Variants in TBC1D1 observed in about 807,000 individuals in gnomAD.
TBC1D1 encodes TBC1 (tre-2/USP6, BUB2, cdc16) domain family, member 1.
TBC1D1 carries 89 observed loss-of-function variants against 125.6 expected under a neutral mutation model. That is an observed-to-expected ratio of 0.71 (90% CI 0.60 to 0.85). The LOEUF is 0.85. TBC1D1 is among the 40% of genes least tolerant of loss of function. The probability of loss-of-function intolerance (pLI) is 0.00; values close to 1 mark genes in which losing one functional copy is unlikely to be tolerated. For synonymous variants in TBC1D1, 565 were observed against 564.1 expected (o/e 1.00, Z -0.02); for missense variants, 1,377 against 1,469.2 (o/e 0.94, Z 1.03).
At chr4:37,930,756 T>C (rs935777948) in intron 2 of TBC1D1, among the ~76,000 whole-genome samples, 1 of 152,244 alleles carries the variant, frequency 6.6e-6, no homozygotes, top group African/African-American at 2.4e-5. Flanking sequence ...ATCTGAAGAT[T>C]TTATTTTGCA....
chr4:38,100,105 G>A (rs2152553928), intron 14 of TBC1D1, among the ~76,000 whole-genome samples: 1 of 152,286 alleles, frequency 6.6e-6, no homozygotes, highest in African/African-American at 2.4e-5. Flanking sequence ...AGTATTTGTG[G>A]GGAGGGTGTG....
chr4:37,943,903 G>A (rs1477366391), intron 2 of TBC1D1, among the ~76,000 whole-genome samples: 1 of 152,204 alleles, frequency 6.6e-6, no homozygotes, highest in Admixed American at 6.5e-5. Context: ...TGGAGGGGGA[G>A]AGGCACTCTG....
chr4:38,093,527 CT>C (rs71658755), intron 13 of TBC1D1, among the ~76,000 whole-genome samples: 7,357 of 144,318 alleles, frequency 0.051, 444 homozygotes, highest in African/African-American at 0.15. Context: ...TTTCCCCCCC[CT>C]TTTTTTTTTT....
At chr4:38,073,605 T>G (rs2152514268) in intron 12 of TBC1D1, among the ~76,000 whole-genome samples, 1 of 152,356 alleles carries the variant, frequency 6.6e-6, no homozygotes, top group South Asian at 2.1e-4. Context: ...TATGGATTAT[T>G]AAATCAGACT....
At chr4:38,057,387 G>T (rs1259407584) in intron 12 of TBC1D1, among the ~76,000 whole-genome samples, 2 of 152,122 alleles carry the variant, frequency 1.3e-5, no homozygotes, top group African/African-American at 4.8e-5. Flanking sequence ...TGTAACACAT[G>T]TTCACAGGTT....
At chr4:37,981,603 A>G (rs1232183492) in intron 2 of TBC1D1, among the ~76,000 whole-genome samples, 3 of 152,154 alleles carry the variant, frequency 2.0e-5, no homozygotes, top group African/African-American at 7.2e-5. Flanking sequence ...GTGGCATTCC[A>G]TCTGACTGGT....
intron 12 of TBC1D1, among the ~76,000 whole-genome samples, chr4:38,083,584 C>T (rs1321334739): frequency 2.0e-5 from 3 of 152,172 alleles, no homozygotes; most frequent in Non-Finnish European, 4.4e-5. Flanking sequence ...CACACATTTA[C>T]CTACTTAATG....
chr4:38,037,447 G>A (rs1747440796), intron 8 of TBC1D1, among the ~76,000 whole-genome samples: 1 of 152,040 alleles, frequency 6.6e-6, no homozygotes, highest in South Asian at 2.1e-4. Flanking sequence ...TGAGGTTGGT[G>A]TACTCCAGGC....
At chr4:38,066,683 G>T (rs1211078706) in intron 12 of TBC1D1, among the ~76,000 whole-genome samples, 1 of 152,124 alleles carries the variant, frequency 6.6e-6, no homozygotes, top group Non-Finnish European at 1.5e-5. Context: ...GCAAAGCTAT[G>T]CATGCCCCCC....
chr4:37,941,489 G>T (rs1725565469), intron 2 of TBC1D1, among the ~76,000 whole-genome samples: 1 of 152,126 alleles, frequency 6.6e-6, no homozygotes, highest in South Asian at 2.1e-4. Context: ...TAGATTCATT[G>T]ATTTTTTGAA....
At chr4:38,136,763 A>ACTGACGCCCACTTCAGCTTTGTGTTG (rs1766694120) in intron 19 of TBC1D1, among the ~76,000 whole-genome samples, 2 of 152,158 alleles carry the variant, frequency 1.3e-5, no homozygotes, top group African/African-American at 2.4e-5. Context: ...TCTTTGTGTC[A>ACTGACGCCCACTTCAGCTTTGTGTTG]CTGACGCCCA....
chr4:38,017,283 A>G (rs919732975), intron 3 of TBC1D1, among the ~76,000 whole-genome samples: 8 of 152,252 alleles, frequency 5.3e-5, no homozygotes, highest in Non-Finnish European at 1.2e-4. Context: ...GTTGTTTACA[A>G]ATAAGGAGGA....
chr4:38,085,005 T>C (rs970728542), intron 12 of TBC1D1, among the ~76,000 whole-genome samples: 2 of 152,230 alleles, frequency 1.3e-5, no homozygotes, highest in Non-Finnish European at 2.9e-5. Context: ...AGCCAGATAC[T>C]GGGCAGATAG....
intron 2 of TBC1D1, among the ~76,000 whole-genome samples, chr4:37,942,399 A>G (rs143145628): frequency 0.017 from 2,553 of 151,404 alleles, 82 homozygotes; most frequent in African/African-American, 0.059. Context: ...CCATCCCTTT[A>G]TTTTGAGCCT....
chr4:38,044,887 A>C (rs1749095856), intron 9 of TBC1D1, among the ~76,000 whole-genome samples: 1 of 152,218 alleles, frequency 6.6e-6, no homozygotes, highest in Non-Finnish European at 1.5e-5. Flanking sequence ...AGTAGGGGTC[A>C]GCAAACTATG....
chr4:37,896,855 G>T (rs1233180546), intron 1 of TBC1D1, among the ~76,000 whole-genome samples: 1 of 151,956 alleles, frequency 6.6e-6, no homozygotes, highest in African/African-American at 2.4e-5. Context: ...TATGCTGCCA[G>T]AGATATGTAG....
At chr4:38,017,137 A>C (rs182694757) in intron 3 of TBC1D1, among the ~76,000 whole-genome samples, 1 of 152,324 alleles carries the variant, frequency 6.6e-6, no homozygotes, top group East Asian at 1.9e-4. Flanking sequence ...ATAGCTAAGT[A>C]ATAATGCCTT....
chr4:38,083,932 G>GTTT (rs1757019839), intron 12 of TBC1D1, among the ~76,000 whole-genome samples: 3 of 129,274 alleles, frequency 2.3e-5, no homozygotes, highest in East Asian at 2.7e-4. Context: ...AATGAATGTT[G>GTTT]TCTTTTTTTT....
chr4:37,925,250 C>T (rs1051569573), intron 2 of TBC1D1, among the ~76,000 whole-genome samples: 2 of 152,244 alleles, frequency 1.3e-5, no homozygotes, highest in Admixed American at 1.3e-4. Context: ...GCCAGGTCTA[C>T]CTTTCACACA....
Sources: gnomAD v4.1 joint callset for allele counts (sites outside exome capture counted in the v4.1 genomes callset) on GRCh38, gnomAD v4.1.1 for gene constraint, MANE v1.5 for transcripts, NCBI Gene and HGNC (gene_info 2026-07-23, HGNC 2026-07-21) for gene names.